Variants in MMP16 observed in about 807,000 individuals in gnomAD.
The protein encoded by MMP16 is matrix metallopeptidase 16.
Under a neutral mutation model 67.8 loss-of-function variants are expected in MMP16, and 12 were observed. The ratio of observed to expected loss-of-function variants is 0.18; its 90% CI spans 0.11 to 0.29. The LOEUF (loss-of-function observed/expected upper bound fraction) is 0.29. Ranked by LOEUF, MMP16 falls within the 10% of genes least tolerant of loss-of-function variation. The pLI is 1.00. For missense variants in MMP16, 475 were observed against 765.7 expected (o/e 0.62, Z 4.48); for synonymous variants, 249 against 255.9 (o/e 0.97, Z 0.26).
chr8:88,278,551 T>C (rs778749480), intron 1 of MMP16, among the ~76,000 whole-genome samples: 21 of 152,168 alleles, frequency 1.4e-4, no homozygotes, highest in Admixed American at 3.3e-4. Context: ...GCTGTACACA[T>C]GATGTAGGCT....
At chr8:88,235,904 TA>T (rs1157296192) in intron 1 of MMP16, among the ~76,000 whole-genome samples, 1,797 of 144,656 alleles carry the variant, frequency 0.012, 26 homozygotes, top group African/African-American at 0.04. Flanking sequence ...TCTCTTTTCC[TA>T]AAAAAAAAAA....
chr8:88,077,227 G>A (rs2118294170), intron 6 of MMP16, among the ~76,000 whole-genome samples: 1 of 152,302 alleles, frequency 6.6e-6, no homozygotes, highest in East Asian at 1.9e-4. Flanking sequence ...TTAGCAGACA[G>A]CAGTGGTACA....
chr8:88,072,394 T>G (rs1808574018), intron 7 of MMP16, among the ~76,000 whole-genome samples: 1 of 148,874 alleles, frequency 6.7e-6, no homozygotes, highest in African/African-American at 2.6e-5. Context: ...TAATCAATGC[T>G]TTATTGAGCG....
intron 1 of MMP16, among the ~76,000 whole-genome samples, chr8:88,255,692 A>C (rs1585981636): frequency 1.3e-5 from 2 of 152,208 alleles, no homozygotes; most frequent in Non-Finnish European, 2.9e-5. Flanking sequence ...AGTTAAAAAC[A>C]GTATGTTTTA....
At chr8:88,147,245 A>G (rs1808308682) in intron 4 of MMP16, among the ~76,000 whole-genome samples, 1 of 152,004 alleles carries the variant, frequency 6.6e-6, no homozygotes. Flanking sequence ...ACTATCGGTT[A>G]TCCTTGAAGA....
rs76385139 is a variant in MMP16 at position 88,186,137 on chromosome 8, T to C, written c.404+339A>G. ...CAACAACATTCTGTTTAAATAGCAG[T>C]TATTTATATATTTTATTATTTGATT... On this transcript the variant is annotated intron_variant, in intron 3 of 9. Transcript: ENST00000286614. 3.3e-5 allele frequency among the ~76,000 whole-genome samples: 5 copies of C among 152,116 alleles called. No homozygotes were observed. The East Asian group carries it at 9.6e-4, about 29-fold the overall frequency.
rs958649594 is a variant in MMP16, at chr8:88,039,964, A to G, written c.*1497T>C. 2.0e-5 allele frequency: 3 copies of G among 152,742 alleles called. No homozygotes were observed. The highest frequency in any genetic ancestry group is 1.3e-4 in the Admixed American group (2 of 15,282). 9.5% of individuals were successfully genotyped at this position (152,742 alleles called of 1,614,324 possible). On this transcript the variant is annotated 3_prime_UTR_variant, in exon 10 of 10. Coordinates refer to ENST00000286614, the MANE Select transcript of MMP16 (RefSeq NM_005941.5). This position sits in a 1 kb window ranked among gnomAD's most constrained non-coding sequence, Gnocchi z 4.5. ...TGGACGGCTAAATGCCAGAAGCCAC[A>G]CTAACCCTTTGAGAACTATGGTGGA...
At position 88,160,315 on chromosome 8, in the gene MMP16, G is replaced by A. The variant is rs1200322834; in HGVS notation, c.709+7354C>T. Among the ~76,000 whole-genome samples the A allele has an allele frequency of 2.6e-5, 4 of 151,858 alleles. No individual in the cohort carries two copies. The East Asian group carries it at 7.7e-4, about 29-fold the overall frequency. ...AGGACATGAACTCATCATTTTTTAT[G>A]GCTGCATAGTATTCCATGGTGTATA... On this transcript the variant is annotated intron_variant, in intron 4 of 9. Transcript: ENST00000286614.
intron 1 of MMP16, among the ~76,000 whole-genome samples, chr8:88,200,432 A>G (rs1490092606): frequency 6.6e-6 from 1 of 151,960 alleles, no homozygotes; most frequent in African/African-American, 2.4e-5. Context: ...CCTCAAATGA[A>G]GCAATAAAAT....
At chr8:88,109,817 C>T (rs1313424546) in intron 6 of MMP16, among the ~76,000 whole-genome samples, 1 of 150,900 alleles carries the variant, frequency 6.6e-6, no homozygotes, top group African/African-American at 2.4e-5. Context: ...CACAGAAAAA[C>T]AGACATTTTT....
At chr8:88,050,548 T>C (rs915848017) in intron 8 of MMP16, among the ~76,000 whole-genome samples, 6 of 152,228 alleles carry the variant, frequency 3.9e-5, no homozygotes, top group Non-Finnish European at 8.8e-5. Flanking sequence ...TCAAGTCTTT[T>C]ATATCACATA....
chr8:88,264,390 A>G (rs1322366432), intron 1 of MMP16, among the ~76,000 whole-genome samples: 2 of 152,100 alleles, frequency 1.3e-5, no homozygotes, highest in Non-Finnish European at 2.9e-5. Flanking sequence ...TTTTAGAGAT[A>G]GGATCTTGCT....
rs924490011 is a variant in MMP16 at position 88,036,572 on chromosome 8, C to T, written c.*4889G>A. The T allele has an allele frequency of 1.3e-5, 2 of 151,742 alleles. No homozygotes were observed. Among genetic ancestry groups the T allele is most frequent in the African/African-American group, 4.8e-5 (2 of 41,386 alleles). The allele number at this position is 151,742 out of a possible 1,614,324, so 9.4% of individuals were successfully genotyped here. On this transcript the variant is annotated 3_prime_UTR_variant, in exon 10 of 10. Transcript: ENST00000286614. ...GATTCCCTCCTAGGCAACGTGGAGC[C>T]TGTAACTTAACTGCATATGCTCTGG...
intron 4 of MMP16, among the ~76,000 whole-genome samples, chr8:88,151,363 C>G (rs1808403485): frequency 6.7e-6 from 1 of 149,808 alleles, no homozygotes; most frequent in Admixed American, 6.6e-5. Flanking sequence ...CCAAGCGGAC[C>G]TAATAGACAT....
chr8:88,125,180 G>T (rs1807906095), intron 4 of MMP16, among the ~76,000 whole-genome samples: 1 of 140,854 alleles, frequency 7.1e-6, no homozygotes. Context: ...AAGTCTGAAA[G>T]TCCTGGAGAT....
chr8:88,073,865 T>C (rs1469996563), intron 7 of MMP16, among the ~76,000 whole-genome samples: 2 of 152,156 alleles, frequency 1.3e-5, no homozygotes, highest in Non-Finnish European at 2.9e-5. Flanking sequence ...AGTTTTACAC[T>C]CTAGTTCTCC....
intron 1 of MMP16, among the ~76,000 whole-genome samples, chr8:88,247,556 G>A (rs1359998470): frequency 3.3e-5 from 5 of 151,988 alleles, no homozygotes; most frequent in African/African-American, 4.8e-5. Flanking sequence ...CAGGGAATGA[G>A]GCTCGAGGGT....
At chr8:88,210,632 T>G (rs1809499068) in intron 1 of MMP16, among the ~76,000 whole-genome samples, 1 of 152,146 alleles carries the variant, frequency 6.6e-6, no homozygotes, top group Non-Finnish European at 1.5e-5. Context: ...TAGCAAAGAT[T>G]AGCAGCTTCC....
intron 4 of MMP16, among the ~76,000 whole-genome samples, chr8:88,155,408 G>T (rs928816753): frequency 1.3e-5 from 2 of 151,910 alleles, no homozygotes; most frequent in Admixed American, 6.6e-5. Context: ...GTGATATAAA[G>T]AATCTTTTTC....
Sources: gnomAD v4.1 joint callset for allele counts (sites outside exome capture counted in the v4.1 genomes callset) on GRCh38, gnomAD v4.1.1 for gene constraint, Gnocchi (gnomAD v3.1) non-coding constraint, MANE v1.5 for transcripts, NCBI Gene and HGNC (gene_info 2026-07-23, HGNC 2026-07-21) for gene names.